The following DLG2 variants were observed in gnomAD, a reference collection of about 807,000 sequenced individuals.
DLG2 encodes the protein disks large homolog 2.
In DLG2, 45 loss-of-function variants were observed where a neutral mutation model predicts 132.5. That is an observed-to-expected ratio of 0.34 (90% CI 0.27 to 0.44). The LOEUF is 0.44. DLG2 is among the 20% of genes least tolerant of loss of function. The pLI is 1.00. For synonymous variants in DLG2, 424 were observed against 419.6 expected (o/e 1.01, Z -0.13); for missense variants, 1,045 against 1,196.9 (o/e 0.87, Z 1.87).
intron 6 of DLG2, among the ~76,000 whole-genome samples, chr11:85,079,875 C>T (rs2067021509): frequency 6.6e-6 from 1 of 152,066 alleles, no homozygotes; most frequent in African/African-American, 2.4e-5. Context: ...TGTGATCCAC[C>T]TGTCTCAGCT....
At chr11:84,822,345 A>C (rs984557234) in intron 6 of DLG2, among the ~76,000 whole-genome samples, 3 of 151,964 alleles carry the variant, frequency 2.0e-5, no homozygotes, top group Non-Finnish European at 2.9e-5. Flanking sequence ...GGCAAATGAT[A>C]ATTGGAAGGA....
At chr11:84,030,197 C>G (rs1038112679) in intron 11 of DLG2, among the ~76,000 whole-genome samples, 1 of 152,034 alleles carries the variant, frequency 6.6e-6, no homozygotes, top group Non-Finnish European at 1.5e-5. Flanking sequence ...CAATTTTCCT[C>G]AATTATCAAA....
intron 6 of DLG2, among the ~76,000 whole-genome samples, chr11:84,968,961 G>A (rs2053686524): frequency 1.3e-5 from 2 of 151,786 alleles, no homozygotes; most frequent in Non-Finnish European, 2.9e-5. Flanking sequence ...CTCTGCTGGA[G>A]CAAGACTCTA....
At chr11:83,681,232 C>G (rs1376599045) in intron 18 of DLG2, among the ~76,000 whole-genome samples, 1 of 152,124 alleles carries the variant, frequency 6.6e-6, no homozygotes, top group Non-Finnish European at 1.5e-5. Flanking sequence ...CAAAACAACA[C>G]AGCAGAGAGT....
chr11:83,635,709 C>G (rs944006198), intron 18 of DLG2, among the ~76,000 whole-genome samples: 6 of 152,086 alleles, frequency 3.9e-5, no homozygotes, highest in African/African-American at 1.2e-4. Context: ...TGCCTTCTAC[C>G]AAATACATAA....
chr11:84,665,131 T>C (rs1269213448), intron 6 of DLG2, among the ~76,000 whole-genome samples: 2 of 152,100 alleles, frequency 1.3e-5, no homozygotes, highest in Non-Finnish European at 2.9e-5. Flanking sequence ...CACAAACCTG[T>C]AAGTAACATG....
At chr11:85,408,540 TC>T (rs2088995932) in intron 3 of DLG2, among the ~76,000 whole-genome samples, 1 of 90,690 alleles carries the variant, frequency 1.1e-5, no homozygotes, top group African/African-American at 4.3e-5. Context: ...ATGCTATCCC[TC>T]CCCCCTCCCC....
At chr11:84,977,976 G>A (rs2055164984) in intron 6 of DLG2, among the ~76,000 whole-genome samples, 1 of 152,124 alleles carries the variant, frequency 6.6e-6, no homozygotes, top group Non-Finnish European at 1.5e-5. Context: ...CTTGAGTCTG[G>A]CCTTGAGGAG....
chr11:84,924,334 G>A (rs990908121), intron 6 of DLG2, among the ~76,000 whole-genome samples: 2 of 152,110 alleles, frequency 1.3e-5, no homozygotes, highest in African/African-American at 2.4e-5. Context: ...AATAGTGGGA[G>A]GAAAAAAAGT....
At chr11:83,518,565 G>C (rs1455830856) in intron 21 of DLG2, among the ~76,000 whole-genome samples, 3 of 152,188 alleles carry the variant, frequency 2.0e-5, no homozygotes, top group Non-Finnish European at 2.9e-5. Flanking sequence ...TCCCCAGTGA[G>C]ATGAACCCAG....
intron 4 of DLG2, among the ~76,000 whole-genome samples, chr11:85,246,665 A>G (rs565923369): frequency 9.1e-4 from 139 of 152,070 alleles, no homozygotes; most frequent in Middle Eastern, 3.4e-3. Flanking sequence ...TAAAATCTAC[A>G]TGTCTTCATG....
At chr11:84,471,255 C>T (rs2099107640) in intron 7 of DLG2, among the ~76,000 whole-genome samples, 4 of 151,662 alleles carry the variant, frequency 2.6e-5, no homozygotes, top group African/African-American at 7.2e-5. Flanking sequence ...TCTCTGACAG[C>T]TCAGAGATTA....
intron 6 of DLG2, among the ~76,000 whole-genome samples, chr11:84,967,280 C>A (rs1452079913): frequency 6.6e-6 from 1 of 152,036 alleles, no homozygotes; most frequent in Non-Finnish European, 1.5e-5. Flanking sequence ...TTGGAAAGGT[C>A]ATTTCATAAA....
At chr11:84,341,263 T>G (rs115377095) in intron 7 of DLG2, among the ~76,000 whole-genome samples, 5 of 152,248 alleles carry the variant, frequency 3.3e-5, no homozygotes, top group African/African-American at 1.2e-4. Flanking sequence ...GCCTAATATA[T>G]AATAGTGGTG....
chr11:83,514,642 T>C (rs529430232), intron 21 of DLG2, among the ~76,000 whole-genome samples: 15 of 152,340 alleles, frequency 9.8e-5, no homozygotes, highest in African/African-American at 3.6e-4. Context: ...TTTTTGCCCA[T>C]TCAGTATGAT....
intron 8 of DLG2, among the ~76,000 whole-genome samples, chr11:84,188,604 G>A (rs998021594): frequency 6.6e-6 from 1 of 152,046 alleles, no homozygotes; most frequent in Non-Finnish European, 1.5e-5. Context: ...TCTTCCCACT[G>A]AGCTAATATT....
At chr11:85,209,217 T>C (rs1438412089) in intron 4 of DLG2, among the ~76,000 whole-genome samples, 1 of 152,132 alleles carries the variant, frequency 6.6e-6, no homozygotes, top group Non-Finnish European at 1.5e-5. Context: ...TGCAGTACCT[T>C]AGCACTGAAT....
intron 6 of DLG2, among the ~76,000 whole-genome samples, chr11:84,778,477 A>G (rs761629584): frequency 1.3e-5 from 2 of 152,066 alleles, no homozygotes; most frequent in Non-Finnish European, 2.9e-5. Flanking sequence ...GCTTTTTCTA[A>G]TTCTGTGCAA....
At chr11:84,473,630 T>C (rs894399529) in intron 7 of DLG2, among the ~76,000 whole-genome samples, 2 of 151,954 alleles carry the variant, frequency 1.3e-5, no homozygotes, top group African/African-American at 4.8e-5. Flanking sequence ...CCAGAGGTAA[T>C]TGAAAAAAAA....
Sources: gnomAD v4.1 joint callset for allele counts (sites outside exome capture counted in the v4.1 genomes callset) on GRCh38, gnomAD v4.1.1 for gene constraint, MANE v1.5 for transcripts, NCBI Gene and HGNC (gene_info 2026-07-23, HGNC 2026-07-21) for gene names.